Variants in MAPK8IP3 observed in about 807,000 individuals in gnomAD.
MAPK8IP3 encodes the protein C-Jun-amino-terminal kinase-interacting protein 3.
A neutral mutation model predicts 157.8 loss-of-function variants in MAPK8IP3; 49 were observed. The ratio of observed to expected loss-of-function variants is 0.31; its 90% CI spans 0.25 to 0.39. The LOEUF is 0.39. Ranked by LOEUF, MAPK8IP3 falls within the 10% of genes least tolerant of loss-of-function variation. MAPK8IP3 has a pLI of 1.00. For synonymous variants in MAPK8IP3, 897 were observed against 777.7 expected (o/e 1.15, Z -2.55); for missense variants, 1,478 against 1,889.4 (o/e 0.78, Z 4.04).
chr16:1,748,711 G>A lies in MAPK8IP3; in HGVS notation c.1207G>A (p.Asp403Asn). The A allele has an allele frequency of 6.2e-7, 1 of 1,613,484 alleles. No individual in the cohort carries two copies. Among genetic ancestry groups the A allele is most frequent in the Non-Finnish European group, 8.5e-7 (1 of 1,179,448 alleles). Residue 403 changes from aspartate to asparagine, a missense_variant, in exon 8 of 32, where the codon GAC becomes AAC. By Grantham distance (23) the Asp-to-Asn change is conservative. Transcript: ENST00000610761. ...CATCGGGGATGTGGACGAAGGGGCC[G>A]ACCTCCTAGGTAAGCGCAAGCCTTC... is the stretch of plus-strand genomic sequence containing the variant. ...EVIGDVDEGA[D>N]LLGEFSVRDD...
intron 4 of MAPK8IP3, among the ~76,000 whole-genome samples, chr16:1,730,811 C>G (rs1158409469): frequency 2.0e-5 from 3 of 149,620 alleles, no homozygotes; most frequent in African/African-American, 5.0e-5. Flanking sequence ...CCACTGCACT[C>G]CAGCCTGGGC....
intron 22 of MAPK8IP3, 56 bp downstream of exon 22, chr16:1,766,465 C>G: frequency 6.2e-7 from 1 of 1,602,258 alleles, no homozygotes; most frequent in South Asian, 1.1e-5. Context: ...GTGGGAAGGG[C>G]CTCGGGGTCT....
chr16:1,713,891 C>G (rs931148327), intron 1 of MAPK8IP3: 11 of 152,132 alleles, frequency 7.2e-5, no homozygotes, highest in African/African-American at 2.4e-4. Flanking sequence ...ACACCAGAAG[C>G]CATCCCTGCA....
At chr16:1,757,230 G>A (rs776684152) in intron 8 of MAPK8IP3, among the ~76,000 whole-genome samples, 7 of 152,076 alleles carry the variant, frequency 4.6e-5, no homozygotes, top group Admixed American at 6.6e-5. Flanking sequence ...TCAGCCGCCC[G>A]AGTAGCTGGG....
In MAPK8IP3 at chr16:1,743,602, G is replaced by T; in HGVS notation, c.747+126G>T. 1 of 1,457,084 alleles carries T rather than the reference G, an allele frequency of 6.9e-7. No individual in the cohort carries two copies. Among genetic ancestry groups the T allele is most frequent in the Non-Finnish European group, 9.0e-7 (1 of 1,113,196 alleles). The allele number at this position is 1,457,084 out of a possible 1,614,324, so 90.3% of individuals were successfully genotyped here. On this transcript the variant is annotated intron_variant, in intron 5 of 31. Coordinates refer to ENST00000610761, the MANE Select transcript of MAPK8IP3 (RefSeq NM_001318852.2). The surrounding 1 kb of genome is among the most constrained non-coding windows in gnomAD (Gnocchi z 5.6). ...TCTGGGCCACTCGCCCTCTCCCTTC[G>T]TGTGTGGCAGGATGGAGAAACCCAG...
In MAPK8IP3 at chr16:1,721,624, A is replaced by G. The variant is rs567653154; in HGVS notation, c.319-2933A>G. Among the ~76,000 whole-genome samples, 426 of 151,846 alleles carry G rather than the reference A, an allele frequency of 2.8e-3. 2 individuals are homozygous for G. Among genetic ancestry groups the G allele is most frequent in the African/African-American group, 9.6e-3 (397 of 41,440 alleles). On this transcript the variant is annotated intron_variant, in intron 1 of 31. Coordinates refer to ENST00000610761, the MANE Select transcript of MAPK8IP3 (RefSeq NM_001318852.2). ...AGGCACATGCCATCGTGTCCAGCTA[A>G]TTTTTTTGTAGAGACGGAATTTCAC...
At chr16:1,736,413 C>T (rs182334745) in intron 4 of MAPK8IP3, among the ~76,000 whole-genome samples, 2 of 65,668 alleles carry the variant, frequency 3.0e-5, no homozygotes, top group African/African-American at 1.4e-4. Flanking sequence ...TGTGACCGTC[C>T]GTGTAAGCAT....
At chr16:1,730,109 C>T (rs2039204928) in intron 4 of MAPK8IP3, among the ~76,000 whole-genome samples, 1 of 147,228 alleles carries the variant, frequency 6.8e-6, no homozygotes, top group South Asian at 2.2e-4. Context: ...GGTGGCACTT[C>T]TAGGACATAC....
intron 1 of MAPK8IP3, chr16:1,707,225 C>T (rs1415345737): frequency 6.6e-6 from 1 of 152,590 alleles, no homozygotes; most frequent in African/African-American, 2.4e-5. Flanking sequence ...ATGTTGGAGA[C>T]CTTTCCCTTG....
At chr16:1,758,225 G>A (rs1470699229) in intron 9 of MAPK8IP3, 66 bp downstream of exon 9, 12 of 1,582,266 alleles carry the variant, frequency 7.6e-6, no homozygotes, top group Non-Finnish European at 8.7e-6. Context: ...GACGGGGGAT[G>A]CCCCGAGCTA....
At position 1,739,538 on chromosome 16, in the gene MAPK8IP3, C is replaced by G. The variant is rs1340588192; in HGVS notation, c.603-3794C>G. Among the ~76,000 whole-genome samples the G allele has an allele frequency of 5.2e-5, 6 of 116,430 alleles. 2 individuals are homozygous for G. The highest frequency in any genetic ancestry group is 9.2e-5 in the Admixed American group (1 of 10,858). The allele number at this position is 116,430 out of a possible 152,430, so 76.4% of individuals were successfully genotyped here. ...ACCGTCCGTGTGAGCTTCCGTGTGA[C>G]CATCCGTGTGAGCATCTGTGTGACC... On this transcript the variant is annotated intron_variant, in intron 4 of 31. Transcript: ENST00000610761.
rs551273748 is a variant in MAPK8IP3, at chr16:1,742,247, C to T, written c.603-1085C>T. ...ACTGGAAACCTCCCGCGGAGGAGGA[C>T]GTAAAGGGAGACCTTGGGCTCCATC... On this transcript the variant is annotated intron_variant, in intron 4 of 31. Coordinates refer to ENST00000610761, the MANE Select transcript of MAPK8IP3 (RefSeq NM_001318852.2). This position sits in a 1 kb window ranked among gnomAD's most constrained non-coding sequence, Gnocchi z 5.0. Among the ~76,000 whole-genome samples the T allele has an allele frequency of 1.6e-4, 24 of 152,280 alleles. No homozygotes were observed. In the South Asian group the frequency reaches 3.3e-3, roughly 21 times the overall value.
At chr16:1,707,113 C>T (rs1182083244) in intron 1 of MAPK8IP3, 2 of 162,924 alleles carry the variant, frequency 1.2e-5, no homozygotes, top group African/African-American at 4.8e-5. Flanking sequence ...CAGTCAAAAC[C>T]GTTTCCCGAC....
At chr16:1,729,257 C>T (rs773727290) in intron 3 of MAPK8IP3, 49 bp downstream of exon 3, 87 of 1,586,870 alleles carry the variant, frequency 5.5e-5, no homozygotes, top group Non-Finnish European at 6.4e-5. Flanking sequence ...GACAGGGCCG[C>T]GGCCTGACGC....
In MAPK8IP3 at chr16:1,729,569, C is replaced by G; in HGVS notation, c.593C>G (p.Pro198Arg). The G allele has an allele frequency of 1.3e-6, 2 of 1,599,396 alleles. No individual in the cohort carries two copies. Among genetic ancestry groups the G allele is most frequent in the Non-Finnish European group, 1.7e-6 (2 of 1,171,132 alleles). Reference sequence around the variant, plus strand: ...AACAGCCAGACCGAGAGCAGCCTGCCGGGGCGGAGGTACGCGGGGCGCGGC... The same window carrying G: ...AACAGCCAGACCGAGAGCAGCCTGCGGGGGCGGAGGTACGCGGGGCGCGGC... Reference protein sequence around the residue: ...GGNSQTESSLPGRSRKERPTS... With the variant: ...GGNSQTESSLRGRSRKERPTS... Residue 198 changes from proline (P) to arginine (R), a missense_variant, in exon 4 of 32, where the codon CCG (proline) becomes CGG (arginine). By Grantham distance (103) the Pro-to-Arg change is moderately radical (BLOSUM62 -2). Around this residue, in one of 11 missense-constraint regions of MAPK8IP3, gnomAD observed 315 missense variants for 394.4 expected, o/e 0.80. Transcript: ENST00000610761.
At chr16:1,766,166 C>G (rs200614728) in intron 21 of MAPK8IP3, 24 bp downstream of exon 21, 1 of 1,602,330 alleles carries the variant, frequency 6.2e-7, no homozygotes. Context: ...GAGTTTCCCC[C>G]ATCCCCTCAT....
rs2040757855 is a variant in MAPK8IP3 at position 1,742,823 on chromosome 16, TG to T, written c.603-508del. ...GTCTAAAGCACACCCGGCTTGTGTC[TG>T]TTTAAAATTGAACTTAGGCCGGGCG... On this transcript the variant is annotated intron_variant, in intron 4 of 31. Transcript: ENST00000610761. The surrounding 1 kb of genome is among the most constrained non-coding windows in gnomAD (Gnocchi z 5.0). Among the ~76,000 whole-genome samples, 1 of 152,142 alleles carries T rather than the reference TG, an allele frequency of 6.6e-6. No homozygotes were observed. The highest frequency in any genetic ancestry group is 2.4e-5 in the African/African-American group (1 of 41,428).
chr16:1,727,708 G>A (rs1358703914), intron 2 of MAPK8IP3, among the ~76,000 whole-genome samples: 4 of 152,314 alleles, frequency 2.6e-5, no homozygotes, highest in South Asian at 2.1e-4. Context: ...GACTGCTGGC[G>A]CTGACGCCTA....
At chr16:1,758,522 C>A (rs900164827) in intron 9 of MAPK8IP3, among the ~76,000 whole-genome samples, 2 of 152,194 alleles carry the variant, frequency 1.3e-5, no homozygotes, top group Non-Finnish European at 2.9e-5. Context: ...GAAGCCCCTA[C>A]GAAGCCCAGC....
Sources: gnomAD v4.1 joint callset for allele counts (sites outside exome capture counted in the v4.1 genomes callset) on GRCh38, gnomAD v4.1.1 for gene constraint, gnomAD v4.1.1 regional missense constraint, Gnocchi (gnomAD v3.1) non-coding constraint, MANE v1.5 for transcripts, NCBI Gene and HGNC (gene_info 2026-07-23, HGNC 2026-07-21) for gene names.